GNG13: variants seen among roughly 807,000 people sequenced by gnomAD.
GNG13 encodes the protein guanine nucleotide-binding protein G(I)/G(S)/G(O) subunit gamma-13.
A neutral mutation model predicts 8.2 loss-of-function variants in GNG13; 12 were observed. That is an observed-to-expected ratio of 1.47 (90% CI 0.94 to 2.38). The LOEUF (loss-of-function observed/expected upper bound fraction) is 2.38, where lower values mean the gene tolerates loss of function less well. Among genes scored for constraint, GNG13 ranks in the 30% most tolerant of loss-of-function variants. The pLI is 0.00. For synonymous variants in GNG13, 45 were observed against 33.0 expected, an observed-to-expected ratio of 1.37 and a Z score of -1.25; for missense variants, 100 against 85.2, an observed-to-expected ratio of 1.17 and a Z score of -0.68.
In GNG13 at chr16:798,171, G is replaced by T; in HGVS notation, c.*548C>A. 1.3e-6 allele frequency: 1 copy of T among 753,790 alleles called. No homozygotes were observed. The highest frequency in any genetic ancestry group is 2.2e-6 in the Non-Finnish European group (1 of 459,628). The allele number at this position is 753,790 out of a possible 1,614,324, so 46.7% of individuals were successfully genotyped here. On this transcript the variant is annotated 3_prime_UTR_variant, in exon 3 of 3. Coordinates refer to ENST00000248150, the MANE Select transcript of GNG13 (RefSeq NM_016541.3). ...AGTGGGGCCAGGAGTGGGGCTCACA[G>T]GATGGTGGGAGTGGGGCCAGGCGTG...
chr16:800,371 C>T (rs541070485), intron 1 of GNG13, among the ~76,000 whole-genome samples: 9 of 152,328 alleles, frequency 5.9e-5, no homozygotes, highest in Admixed American at 2.6e-4. Flanking sequence ...GCCCTACCTT[C>T]GCGCAGCTGC....
chr16:799,166 C>A (rs2272900), intron 1 of GNG13, 55 bp from the exon 2 acceptor site: 199,318 of 753,434 alleles, frequency 0.26, 28,177 homozygotes, highest in African/African-American at 0.39. Flanking sequence ...GTAGTCCCCA[C>A]CCCCGCTGCT....
At chr16:800,307 C>T (rs1170391044) in intron 1 of GNG13, among the ~76,000 whole-genome samples, 2 of 152,176 alleles carry the variant, frequency 1.3e-5, no homozygotes, top group Non-Finnish European at 2.9e-5. Flanking sequence ...GCGTGCGGGT[C>T]CTCCCAGGCC....
Position 798,986 on chromosome 16 carries a change from A to T in GNG13, c.92T>A (p.Ile31Asn). The T allele has an allele frequency of 6.3e-7, 1 of 1,586,836 alleles. No individual in the cohort carries two copies. The highest frequency in any genetic ancestry group is 8.7e-7 in the Non-Finnish European group (1 of 1,155,530). The change falls in exon 2 of 3, where the codon ATC (isoleucine) becomes AAC (asparagine). Residue 31 changes from isoleucine to asparagine, a missense_variant. Transcript: ENST00000248150. ...AFQREMASKT[I>N]PELLKWIEDG... Reference sequence around the variant, plus strand: ...AGGCAGGTGGGGCACTCACTCGGGGATGGTCTTGGACGCCATCTCCCGCTG... The same window carrying T: ...AGGCAGGTGGGGCACTCACTCGGGGTTGGTCTTGGACGCCATCTCCCGCTG...
At chr16:798,932 G>T in intron 2 of GNG13, 48 bp downstream of exon 2, 1 of 1,377,226 alleles carries the variant, frequency 7.3e-7, no homozygotes, top group South Asian at 1.2e-5. Flanking sequence ...TGAGCAGCCA[G>T]CGCAGGGCAG....
Position 798,829 on chromosome 16 carries a change from G to C in GNG13, c.99-5C>G. 6.3e-7 allele frequency: 1 copy of C among 1,591,796 alleles called. No homozygotes were observed. On this transcript the variant is annotated splice_region_variant and splice_polypyrimidine_tract_variant and intron_variant, in intron 2 of 2. Transcript: ENST00000248150. ...TCCTCGATCCACTTCAGCAGCCTGC[G>C]GGTGGGCGGGTGGCAGGTGAGTGGT...
Position 798,588 on chromosome 16 carries a change from ATGG to A in GNG13, c.*128_*130del, listed in dbSNP as rs1418580032. 3.2e-5 allele frequency: 24 copies of A among 743,600 alleles called. No individual in the cohort carries two copies. In the African/African-American group the frequency reaches 3.6e-4, roughly 11 times the overall value. 46.1% of individuals were successfully genotyped at this position (743,600 alleles called of 1,614,324 possible). A position where few individuals can be genotyped will look rare whatever the true frequency, so the allele number is the denominator to read the frequency against. On this transcript the variant is annotated 3_prime_UTR_variant, in exon 3 of 3. Transcript: ENST00000248150. ...GTGGGGCCGGGCATGGGCTCACAGG[ATGG>A]TGGGAGTGGGGCTGGGAGTGGGACT... is the stretch of plus-strand genomic sequence containing the variant.
chr16:799,715 C>T (rs980439795), intron 1 of GNG13, among the ~76,000 whole-genome samples: 2 of 152,118 alleles, frequency 1.3e-5, no homozygotes, highest in African/African-American at 4.8e-5. Flanking sequence ...TGTCTGGGAA[C>T]CACACACGTT....
Position 799,083 on chromosome 16 carries a change from C to T in GNG13, c.-6G>A, listed in dbSNP as rs1567409950. The T allele has an allele frequency of 2.5e-6, 4 of 1,569,102 alleles. No homozygotes were observed. Among genetic ancestry groups the T allele is most frequent in the South Asian group, 2.2e-5 (2 of 90,190 alleles). On this transcript the variant is annotated 5_prime_UTR_variant, in exon 2 of 3. Coordinates refer to ENST00000248150, the MANE Select transcript of GNG13 (RefSeq NM_016541.3). ...GGCACGTCCCACTCCTCCATGGGGT[C>T]AGGGGCTTCTGAAGCAGCCAGCCTG...
rs983003695 is a variant in GNG13 at position 798,750 on chromosome 16, C to T, written c.173G>A (p.Trp58Ter). The T allele has an allele frequency of 6.2e-7, 1 of 1,612,668 alleles. No homozygotes were observed. The change falls in exon 3 of 3, where the codon TGG (tryptophan) becomes TAG (stop). Residue 58 changes from tryptophan to a stop codon, truncating the protein, a stop_gained. Transcript: ENST00000248150. LOFTEE classifies it high-confidence loss of function. ...LNPDLMKNNP[W>*]VEKGKCTIL ...GATGGTGCATTTGCCCTTTTCCACC[C>T]ATGGGTTGTTCTTCATCAGGTCGGG... is the stretch of plus-strand genomic sequence containing the variant.
intron 1 of GNG13, among the ~76,000 whole-genome samples, chr16:799,603 T>G (rs1010790972): frequency 3.9e-5 from 6 of 152,292 alleles, no homozygotes; most frequent in African/African-American, 1.4e-4. Context: ...TGCTGCAGTT[T>G]GCTTCTCTGG....
rs1354888618 is a variant in GNG13 at position 799,121 on chromosome 16, A to T, written c.-34-10T>A. 2 of 1,207,306 alleles carry T rather than the reference A, an allele frequency of 1.7e-6. No individual in the cohort carries two copies. The highest frequency in any genetic ancestry group is 1.5e-5 in the African/African-American group (1 of 67,132). 74.8% of individuals were successfully genotyped at this position (1,207,306 alleles called of 1,614,324 possible). A position where few individuals can be genotyped will look rare whatever the true frequency, so the allele number is the denominator to read the frequency against. ...AGCAGCCAGCCTGGGGCTGGAGGGC[A>T]CAGGAGGAAGCCACAGGGCCGAGGC... On this transcript the variant is annotated splice_polypyrimidine_tract_variant and intron_variant, in intron 1 of 2. Coordinates refer to ENST00000248150, the MANE Select transcript of GNG13 (RefSeq NM_016541.3).
At chr16:798,900 G>T (rs1224013867) in intron 2 of GNG13, 76 bp from the exon 3 acceptor site, 1 of 1,353,594 alleles carries the variant, frequency 7.4e-7, no homozygotes, top group Non-Finnish European at 1.1e-6. Flanking sequence ...CCTGTCGGCG[G>T]CGGTGGTCGT....
chr16:799,732 G>A (rs913617397), intron 1 of GNG13, among the ~76,000 whole-genome samples: 44 of 152,200 alleles, frequency 2.9e-4, no homozygotes, highest in African/African-American at 9.4e-4. Flanking sequence ...CGTTACCTGC[G>A]TGCTTTCTGC....
Position 799,327 on chromosome 16 carries a change from C to T in GNG13, c.-34-216G>A, listed in dbSNP as rs940613164. 1.4e-4 allele frequency among the ~76,000 whole-genome samples: 22 copies of T among 152,328 alleles called. 1 individual carries two copies. The East Asian group carries it at 1.5e-3, about 11-fold the overall frequency. ...CGCCTCCTGCACTGGGACTAATTAA[C>T]TGCAAGAAACTTTACATCCTCAGCT... is the stretch of plus-strand genomic sequence containing the variant. On this transcript the variant is annotated intron_variant, in intron 1 of 2. Transcript: ENST00000248150.
rs957479252 is a variant in GNG13, at chr16:798,241, A to G, written c.*478T>C. On this transcript the variant is annotated 3_prime_UTR_variant, in exon 3 of 3. Coordinates refer to ENST00000248150, the MANE Select transcript of GNG13 (RefSeq NM_016541.3). ...GTGGGGCCGGGCGTGGTCTCACAGG[A>G]TGGAGTGAATGGGGCCGGGCACAGT... 230 of 547,570 alleles carry G rather than the reference A, an allele frequency of 4.2e-4. No individual in the cohort carries two copies. Among genetic ancestry groups the G allele is most frequent in the Non-Finnish European group, 6.1e-4 (190 of 313,440 alleles). 33.9% of individuals were successfully genotyped at this position (547,570 alleles called of 1,614,324 possible).
chr16:798,717 G>C lies in GNG13; in HGVS notation c.*2C>G, dbSNP rs146909074. The C allele has an allele frequency of 0.011, 17,629 of 1,578,546 alleles. 133 individuals are homozygous for C. The highest frequency in any genetic ancestry group is 0.015 in the Middle Eastern group (88 of 5,988). ...TGGTGTGAGAGGGGCCGGGTGCGGG[G>C]CTCACAGGATGGTGCATTTGCCCTT... On this transcript the variant is annotated 3_prime_UTR_variant, in exon 3 of 3. Transcript: ENST00000248150.
intron 2 of GNG13, 43 bp from the exon 3 acceptor site, chr16:798,867 C>G: frequency 7.1e-7 from 1 of 1,412,224 alleles, no homozygotes; most frequent in South Asian, 1.2e-5. Flanking sequence ...CACCTGACCC[C>G]CGAGGGCCTC....
chr16:800,528 G>A (rs945473160), intron 1 of GNG13, 138 bp downstream of exon 1: 6 of 152,330 alleles, frequency 3.9e-5, no homozygotes, highest in African/African-American at 1.4e-4. Flanking sequence ...CACCGGCTCG[G>A]GTTGGGTTTT....
Sources: gnomAD v4.1 joint callset for allele counts (sites outside exome capture counted in the v4.1 genomes callset) on GRCh38, gnomAD v4.1.1 for gene constraint, MANE v1.5 for transcripts, NCBI Gene and HGNC (gene_info 2026-07-23, HGNC 2026-07-21) for gene names.